RBFOX1: variants seen among roughly 807,000 people sequenced by gnomAD.
The protein encoded by RBFOX1 is RNA binding fox-1 homolog 1.
A neutral mutation model predicts 57.7 loss-of-function variants in RBFOX1; 8 were observed. That is an observed-to-expected ratio of 0.14 (90% CI 0.08 to 0.25). The LOEUF (loss-of-function observed/expected upper bound fraction) is 0.25. Among genes scored for constraint, RBFOX1 ranks in the 10% least tolerant of loss-of-function variants. The pLI, the probability that RBFOX1 is intolerant of heterozygous loss-of-function variation, is 1.00. For missense variants in RBFOX1, 611 were observed against 548.5 expected, an observed-to-expected ratio of 1.11 and a Z score of -1.14; for synonymous variants, 326 against 222.4, an observed-to-expected ratio of 1.47 and a Z score of -4.15.
chr16:6,761,005 TTAA>T (rs1555445264), intron 3 of RBFOX1, among the ~76,000 whole-genome samples: 1 of 152,202 alleles, frequency 6.6e-6, no homozygotes, highest in Non-Finnish European at 1.5e-5. Context: ...ATCTTTCCAA[TTAA>T]TAAGAAAATA....
chr16:5,833,257 G>C lies in RBFOX1; in HGVS notation c.319-34046G>C, dbSNP rs559145609. The stretch of plus-strand genomic sequence containing the variant: ...GCCTGTAATCCCTGCACTTTGGGAG[G>C]CTGAGGCAGGTGGATCATGAGGTCA... On this transcript the variant is annotated intron_variant, in intron 3 of 19. Coordinates refer to the RBFOX1 transcript ENST00000641259. Among the ~76,000 whole-genome samples the C allele has an allele frequency of 2.6e-5, 4 of 152,238 alleles. No individual in the cohort carries two copies. In the South Asian group the frequency reaches 8.3e-4, roughly 32 times the overall value.
In RBFOX1 at chr16:6,621,700, A is replaced by G. The variant is rs189207198; in HGVS notation, c.-63-32903A>G. Among the ~76,000 whole-genome samples the G allele has an allele frequency of 1.1e-3, 165 of 152,288 alleles. 2 individuals carry two copies. The highest frequency in any genetic ancestry group is 7.4e-5 in the Non-Finnish European group (5 of 68,010). On this transcript the variant is annotated intron_variant, in intron 2 of 15. Coordinates refer to ENST00000550418, the MANE Select transcript of RBFOX1 (RefSeq NM_018723.4). Reference sequence around the variant, plus strand: ...TGCAAACAGAGCAAACCCCAGAAATACTGGGCTAATGCTCGTTAGCTCTGA... The same window carrying G: ...TGCAAACAGAGCAAACCCCAGAAATGCTGGGCTAATGCTCGTTAGCTCTGA...
chr16:6,987,511 A>G (rs2090564181), intron 3 of RBFOX1, among the ~76,000 whole-genome samples: 1 of 149,924 alleles, frequency 6.7e-6, no homozygotes, highest in Non-Finnish European at 1.5e-5. Flanking sequence ...ACACAGAGGC[A>G]TGCCCCACAC....
intron 1 of RBFOX1, among the ~76,000 whole-genome samples, chr16:6,109,093 G>T (rs1291370859): frequency 6.6e-6 from 1 of 152,138 alleles, no homozygotes; most frequent in Non-Finnish European, 1.5e-5. Flanking sequence ...CAAGAATGGG[G>T]GTTTAGTCTT....
chr16:7,530,039 C>G (rs1395283040), intron 5 of RBFOX1, among the ~76,000 whole-genome samples: 1 of 148,596 alleles, frequency 6.7e-6, no homozygotes, highest in Non-Finnish European at 1.5e-5. Context: ...ATTTAGGAAC[C>G]TGAACCCTTT....
At chr16:5,389,487 G>A (rs1206502531) in intron 1 of RBFOX1, among the ~76,000 whole-genome samples, 2 of 151,908 alleles carry the variant, frequency 1.3e-5, no homozygotes, top group African/African-American at 2.4e-5. Flanking sequence ...TCCAGACATC[G>A]CCAAATGTCC....
intron 4 of RBFOX1, among the ~76,000 whole-genome samples, chr16:7,457,975 G>C (rs560196162): frequency 6.6e-6 from 1 of 152,218 alleles, no homozygotes; most frequent in African/African-American, 2.4e-5. Context: ...TTTCCTGAAA[G>C]GCTACATTCC....
At chr16:6,081,442 G>C (rs1448231353) in intron 1 of RBFOX1, among the ~76,000 whole-genome samples, 2 of 152,264 alleles carry the variant, frequency 1.3e-5, no homozygotes, top group East Asian at 3.9e-4. Context: ...TTTTACACTA[G>C]GATGCTTCTG....
At position 6,389,214 on chromosome 16, in the gene RBFOX1, G is replaced by C. The variant is rs760977379; in HGVS notation, c.-64+72157G>C. ...GGGAGAATTTCTTTTCTCCTTCATA[G>C]AGCCCATTTTTCTGTGTCTGTGGGC... On this transcript the variant is annotated intron_variant, in intron 2 of 15. Transcript: ENST00000550418. Among the ~76,000 whole-genome samples, 179 of 152,120 alleles carry C rather than the reference G, an allele frequency of 1.2e-3. 1 individual carries two copies. The highest frequency in any genetic ancestry group is 4.0e-3 in the African/African-American group (167 of 41,424).
intron 3 of RBFOX1, among the ~76,000 whole-genome samples, chr16:6,817,492 G>A (rs1315045762): frequency 6.8e-6 from 1 of 147,618 alleles, no homozygotes; most frequent in African/African-American, 2.5e-5. Flanking sequence ...TCAAGAGTTC[G>A]AGACCAGCCT....
chr16:6,613,466 C>T (rs1032524654), intron 2 of RBFOX1, among the ~76,000 whole-genome samples: 16 of 152,118 alleles, frequency 1.1e-4, no homozygotes, highest in Admixed American at 3.9e-4. Context: ...TAAAGTCTTC[C>T]GCTCCAACCC....
chr16:5,286,160 G>T (rs1206256407), intron 1 of RBFOX1, among the ~76,000 whole-genome samples: 1 of 152,172 alleles, frequency 6.6e-6, no homozygotes. Context: ...TGGTAGTGGT[G>T]GTGGACCAGG....
intron 14 of RBFOX1, among the ~76,000 whole-genome samples, chr16:7,688,863 C>T (rs1010729496): frequency 6.6e-6 from 1 of 151,958 alleles, no homozygotes; most frequent in African/African-American, 2.4e-5. Flanking sequence ...TCAAATATTT[C>T]TTAGAGGAAA....
chr16:5,480,054 A>T (rs4786691), intron 2 of RBFOX1, among the ~76,000 whole-genome samples: 54,574 of 152,010 alleles, frequency 0.36, 10,804 homozygotes, highest in South Asian at 0.54. Context: ...GGTGTTCTGC[A>T]TCCAGGCTTG....
At chr16:7,203,126 A>G (rs2089050956) in intron 4 of RBFOX1, among the ~76,000 whole-genome samples, 1 of 152,214 alleles carries the variant, frequency 6.6e-6, no homozygotes, top group Admixed American at 6.5e-5. Context: ...CAGCTAAAAT[A>G]TGGGACTAAT....
intron 3 of RBFOX1, among the ~76,000 whole-genome samples, chr16:6,976,069 A>T (rs368378453): frequency 3.3e-5 from 5 of 152,222 alleles, no homozygotes; most frequent in Admixed American, 2.0e-4. Flanking sequence ...GGAGGTTTCA[A>T]TGAGCCAAGA....
intron 3 of RBFOX1, among the ~76,000 whole-genome samples, chr16:6,916,344 T>C (rs558976022): frequency 6.6e-6 from 1 of 152,284 alleles, no homozygotes; most frequent in Non-Finnish European, 1.5e-5. Context: ...CTTTTTGCTA[T>C]TATGGCTAAT....
At chr16:7,202,017 A>T (rs748671779) in intron 4 of RBFOX1, among the ~76,000 whole-genome samples, 34 of 152,230 alleles carry the variant, frequency 2.2e-4, no homozygotes, top group Non-Finnish European at 4.4e-4. Flanking sequence ...TAAATGTAGA[A>T]TTTGCATTGA....
chr16:7,276,548 T>A (rs565476200), intron 4 of RBFOX1, among the ~76,000 whole-genome samples: 2 of 152,042 alleles, frequency 1.3e-5, no homozygotes, highest in Admixed American at 1.3e-4. Context: ...CTTCTATCCT[T>A]GACTGATTTT....
Sources: allele counts gnomAD v4.1 joint callset (sites outside exome capture counted in the v4.1 genomes callset), GRCh38; gene constraint gnomAD v4.1.1; transcripts MANE v1.5; gene names NCBI Gene and HGNC (gene_info 2026-07-23, HGNC 2026-07-21).